C1orf146: variants seen among roughly 807,000 people sequenced by gnomAD.
C1orf146 encodes the protein chromosome 1 open reading frame 146, also known as protein SPO16 homolog.
Under a neutral mutation model 23.0 loss-of-function variants are expected in C1orf146, and 22 were observed. That is an observed-to-expected ratio of 0.96 (90% CI 0.68 to 1.36). C1orf146 has a LOEUF of 1.36. C1orf146 is among the 40% of genes most tolerant of loss of function. C1orf146 has a pLI of 0.00. For missense variants in C1orf146, 199 were observed against 206.8 expected (o/e 0.96, Z 0.23); for synonymous variants, 59 against 65.3 (o/e 0.90, Z 0.47).
Position 92,244,850 on chromosome 1 carries a change from T to C in C1orf146, c.401T>C (p.Ile134Thr), listed in dbSNP as rs1042500227. 5 of 1,582,300 alleles carry C rather than the reference T, an allele frequency of 3.2e-6. No homozygotes were observed. Among genetic ancestry groups the C allele is most frequent in the South Asian group, 1.1e-5 (1 of 89,296 alleles). ...TVNAINLMCT[I>T]AKTTSKPYID... ...AATGCTATTAATCTTATGTGCACTATAGCAAAGGTGAGTCACCCGTGGAAT... is the reference window on the plus strand; with the variant it reads ...AATGCTATTAATCTTATGTGCACTACAGCAAAGGTGAGTCACCCGTGGAAT... Residue 134 changes from isoleucine to threonine, a missense_variant, in exon 5 of 6, where the codon ATA becomes ACA. Ile to Thr is a moderately conservative substitution (Grantham distance 89, BLOSUM62 -1). Coordinates refer to ENST00000370375, the MANE Select transcript of C1orf146 (RefSeq NM_001012425.2).
intron 2 of C1orf146, among the ~76,000 whole-genome samples, chr1:92,234,872 A>C (rs1284773541): frequency 5.9e-5 from 9 of 152,226 alleles, no homozygotes; most frequent in East Asian, 1.9e-4. Flanking sequence ...TTATCCATTT[A>C]TTCTAGATTT....
chr1:92,222,724 C>T (rs542403571), intron 1 of C1orf146, among the ~76,000 whole-genome samples: 4 of 151,294 alleles, frequency 2.6e-5, no homozygotes, highest in African/African-American at 4.9e-5. Flanking sequence ...GTAGCTGGGA[C>T]TACAGGCGCC....
intron 1 of C1orf146, among the ~76,000 whole-genome samples, chr1:92,221,349 A>AG (rs1417976049): frequency 6.6e-6 from 1 of 152,132 alleles, no homozygotes; most frequent in Non-Finnish European, 1.5e-5. Context: ...GGGAGGAAGG[A>AG]GGATAAGGGC....
intron 1 of C1orf146, chr1:92,229,090 T>C (rs922826205): frequency 4.0e-6 from 2 of 500,236 alleles, no homozygotes; most frequent in African/African-American, 3.9e-5. Flanking sequence ...TGCTGGAAGG[T>C]GGACAGTGAG....
At chr1:92,245,106 T>C (rs1652559667) in intron 5 of C1orf146, among the ~76,000 whole-genome samples, 1 of 152,196 alleles carries the variant, frequency 6.6e-6, no homozygotes, top group Non-Finnish European at 1.5e-5. Flanking sequence ...TGGTTACTTA[T>C]ATCTTCATTC....
chr1:92,231,710 G>GT (rs752241133), intron 2 of C1orf146, among the ~76,000 whole-genome samples: 3,275 of 144,996 alleles, frequency 0.023, 70 homozygotes, highest in Admixed American at 0.054. Flanking sequence ...ATTTTCTAAA[G>GT]TTTTTTTTTT....
intron 2 of C1orf146, among the ~76,000 whole-genome samples, chr1:92,241,955 C>T (rs1422694026): frequency 6.6e-6 from 1 of 152,248 alleles, no homozygotes; most frequent in Non-Finnish European, 1.5e-5. Context: ...TTAATGCTGT[C>T]TTTAAGTTCT....
At chr1:92,235,415 C>T in intron 2 of C1orf146, among the ~76,000 whole-genome samples, 1 of 152,100 alleles carries the variant, frequency 6.6e-6, no homozygotes, top group Non-Finnish European at 1.5e-5. Context: ...TGTAGTTGAG[C>T]AGTTTTGAGT....
At chr1:92,238,286 G>C (rs1463167898) in intron 2 of C1orf146, among the ~76,000 whole-genome samples, 4 of 152,170 alleles carry the variant, frequency 2.6e-5, no homozygotes, top group Non-Finnish European at 5.9e-5. Context: ...ATGCAGGAAG[G>C]AGTATTGTAT....
intron 1 of C1orf146, among the ~76,000 whole-genome samples, chr1:92,228,096 C>G (rs1652012979): frequency 6.6e-6 from 1 of 152,202 alleles, no homozygotes; most frequent in African/African-American, 2.4e-5. Context: ...TATCCTTTTG[C>G]TTAACCTACC....
chr1:92,242,226 A>G lies in C1orf146; in HGVS notation c.81A>G (p.Ala27=). The G allele has an allele frequency of 6.3e-7, 1 of 1,587,122 alleles. No homozygotes were observed. Among genetic ancestry groups the G allele is most frequent in the East Asian group, 2.3e-5 (1 of 44,116 alleles). The change falls in exon 3 of 6, where the codon GCA becomes GCG. Residue 27 remains alanine, a synonymous_variant. Transcript: ENST00000370375. ...ISSSLKSYEV[A]TALENRSHKV... Reference sequence around the variant, plus strand: ...TTTTAAAAAAGAGTTATGAAGTTGCAACTGCCCTAGAAAATCGAAGCCACA... The same window carrying G: ...TTTTAAAAAAGAGTTATGAAGTTGCGACTGCCCTAGAAAATCGAAGCCACA...
chr1:92,231,738 T>C (rs1228867628), intron 2 of C1orf146, among the ~76,000 whole-genome samples: 1 of 151,840 alleles, frequency 6.6e-6, no homozygotes, highest in Admixed American at 6.6e-5. Context: ...CTGTAAGCAC[T>C]CTAATAGAGA....
At chr1:92,229,002 TCA>T (rs998272893) in intron 1 of C1orf146, 11 of 468,166 alleles carry the variant, frequency 2.3e-5, no homozygotes, top group African/African-American at 6.0e-5. Flanking sequence ...ATGCATCTGC[TCA>T]CAGTCTATTT....
At chr1:92,242,412 G>C in intron 3 of C1orf146, 107 bp downstream of exon 3, 1 of 524,548 alleles carries the variant, frequency 1.9e-6, no homozygotes, top group Non-Finnish European at 3.2e-6. Flanking sequence ...TTTTGGGAAG[G>C]GTAAATGTGT....
At chr1:92,240,253 G>A (rs1243300928) in intron 2 of C1orf146, among the ~76,000 whole-genome samples, 1 of 152,212 alleles carries the variant, frequency 6.6e-6, no homozygotes, top group Non-Finnish European at 1.5e-5. Context: ...GCTGGCAGAT[G>A]CCCTCAGGGA....
At chr1:92,236,478 G>A (rs1652279184) in intron 2 of C1orf146, among the ~76,000 whole-genome samples, 1 of 152,186 alleles carries the variant, frequency 6.6e-6, no homozygotes, top group Non-Finnish European at 1.5e-5. Flanking sequence ...CTAGAGATCT[G>A]CTGTTAGTCT....
At chr1:92,239,887 T>C (rs1652388643) in intron 2 of C1orf146, among the ~76,000 whole-genome samples, 2 of 152,224 alleles carry the variant, frequency 1.3e-5, no homozygotes, top group South Asian at 4.1e-4. Context: ...GTATTTTTAT[T>C]TGCTCAGTCT....
Position 92,231,430 on chromosome 1 carries a change from A to G in C1orf146, c.10A>G (p.Ser4Gly). The change falls in exon 2 of 6, where the codon AGT becomes GGT. Residue 4 changes from serine (S) to glycine (G), a missense_variant. Coordinates refer to ENST00000370375, the MANE Select transcript of C1orf146 (RefSeq NM_001012425.2). MAE[S>G]GKEKIKWTTT... ...GTTGATCCACAGACAGATGGCTGAA[A>G]GTGGAAAAGAAAAAATAAAATGGAC... 1 of 1,610,838 alleles carries G rather than the reference A, an allele frequency of 6.2e-7. No homozygotes were observed. The highest frequency in any genetic ancestry group is 1.1e-5 in the South Asian group (1 of 90,388).
rs376479300 is a variant in C1orf146, at chr1:92,244,399, G to A, written c.329+14G>A. The A allele has an allele frequency of 2.8e-5, 43 of 1,555,254 alleles. No homozygotes were observed. The highest frequency in any genetic ancestry group is 3.6e-5 in the Non-Finnish European group (41 of 1,154,130). On this transcript the variant is annotated intron_variant, in intron 4 of 5. Coordinates refer to ENST00000370375, the MANE Select transcript of C1orf146 (RefSeq NM_001012425.2). The stretch of plus-strand genomic sequence containing the variant: ...GATTCAGCAGAGGTATGGAAGAATA[G>A]CATTATAGACTTATTTTTCTTATAT...
Sources: allele counts gnomAD v4.1 joint callset (sites outside exome capture counted in the v4.1 genomes callset), GRCh38; gene constraint gnomAD v4.1.1; transcripts MANE v1.5; gene names NCBI Gene and HGNC (gene_info 2026-07-23, HGNC 2026-07-21).